Variants in PIK3CB observed in about 807,000 individuals in gnomAD.
PIK3CB encodes the protein phosphatidylinositol 4,5-bisphosphate 3-kinase catalytic subunit beta isoform.
A neutral mutation model predicts 136.8 loss-of-function variants in PIK3CB; 39 were observed. That is an observed-to-expected ratio of 0.29 (90% CI 0.22 to 0.37). PIK3CB has a LOEUF of 0.37. PIK3CB is among the 10% of genes least tolerant of loss of function. The pLI, the probability that PIK3CB is intolerant of heterozygous loss-of-function variation, is 1.00. For synonymous variants in PIK3CB, 428 were observed against 436.6 expected (o/e 0.98, Z 0.25); for missense variants, 868 against 1,275.4 (o/e 0.68, Z 4.87).
chr3:138,800,268 T>G (rs1406833412), intron 1 of PIK3CB, among the ~76,000 whole-genome samples: 1 of 152,184 alleles, frequency 6.6e-6, no homozygotes, highest in Non-Finnish European at 1.5e-5. Context: ...CAATTCTCAT[T>G]TATTAATATA....
intron 2 of PIK3CB, among the ~76,000 whole-genome samples, chr3:138,766,571 A>G (rs2045735307): frequency 6.6e-6 from 1 of 152,224 alleles, no homozygotes; most frequent in Non-Finnish European, 1.5e-5. Context: ...CCTCACTTAC[A>G]AAGAAAAATT....
intron 19 of PIK3CB, among the ~76,000 whole-genome samples, chr3:138,672,228 G>A (rs1187297196): frequency 2.0e-5 from 3 of 151,988 alleles, no homozygotes; most frequent in Admixed American, 1.3e-4. Flanking sequence ...AGATGATGTG[G>A]CATGAAAGTT....
intron 4 of PIK3CB, 134 bp from the exon 5 acceptor site, chr3:138,742,915 G>T: frequency 1.9e-6 from 1 of 525,400 alleles, no homozygotes. Flanking sequence ...GATGAAACTA[G>T]GGAGGAAAAT....
intron 17 of PIK3CB, among the ~76,000 whole-genome samples, chr3:138,684,398 A>T (rs1157867793): frequency 1.3e-5 from 2 of 152,270 alleles, no homozygotes; most frequent in Non-Finnish European, 2.9e-5. Flanking sequence ...CATATAATTG[A>T]AATATAAATT....
At chr3:138,832,454 G>A (rs1393414052) in intron 1 of PIK3CB, among the ~76,000 whole-genome samples, 1 of 152,068 alleles carries the variant, frequency 6.6e-6, no homozygotes, top group Non-Finnish European at 1.5e-5. Flanking sequence ...CATTTTGGGA[G>A]GCCCAGGCTG....
In PIK3CB at chr3:138,653,649, T is replaced by C. The variant is rs1352850894; in HGVS notation, c.*1740A>G. 5.4e-6 allele frequency: 1 copy of C among 184,038 alleles called. No homozygotes were observed. The highest frequency in any genetic ancestry group is 1.2e-5 in the Non-Finnish European group (1 of 86,660). The allele number at this position is 184,038 out of a possible 1,614,324, so 11.4% of individuals were successfully genotyped here. On this transcript the variant is annotated 3_prime_UTR_variant, in exon 24 of 24. Coordinates refer to ENST00000674063, the MANE Select transcript of PIK3CB (RefSeq NM_006219.3). ...AGTGAGTCTACACCAGCCCTGGAAA[T>C]GAGGAATTCAGGGGCCAACTCCCAT...
intron 5 of PIK3CB, among the ~76,000 whole-genome samples, chr3:138,741,826 TA>T (rs754247884): frequency 7.8e-3 from 1,007 of 129,324 alleles, no homozygotes; most frequent in Middle Eastern, 0.012. Context: ...AGACTCCGTC[TA>T]AAAAAAAAAA....
chr3:138,679,978 C>CA (rs1162367244), intron 19 of PIK3CB, among the ~76,000 whole-genome samples: 3 of 133,222 alleles, frequency 2.3e-5, no homozygotes, highest in Non-Finnish European at 4.9e-5. Flanking sequence ...AAGTAGGAAA[C>CA]AAAAAAATCA....
At chr3:138,801,019 T>A (rs1029537898) in intron 1 of PIK3CB, among the ~76,000 whole-genome samples, 8 of 152,186 alleles carry the variant, frequency 5.3e-5, no homozygotes, top group African/African-American at 1.9e-4. Flanking sequence ...AAACATTTTT[T>A]AAAAACCCCC....
intron 19 of PIK3CB, among the ~76,000 whole-genome samples, chr3:138,678,629 A>G (rs1177054239): frequency 2.0e-5 from 3 of 152,140 alleles, no homozygotes; most frequent in Non-Finnish European, 4.4e-5. Flanking sequence ...TGCTATTTAC[A>G]GGAGACAAAT....
At chr3:138,816,017 G>A (rs1196515609) in intron 1 of PIK3CB, among the ~76,000 whole-genome samples, 1 of 152,196 alleles carries the variant, frequency 6.6e-6, no homozygotes, top group Non-Finnish European at 1.5e-5. Flanking sequence ...AAACCACAAG[G>A]TGGGTTGGGT....
intron 2 of PIK3CB, among the ~76,000 whole-genome samples, chr3:138,779,878 T>C (rs1285713048): frequency 1.3e-5 from 2 of 152,108 alleles, no homozygotes; most frequent in African/African-American, 4.8e-5. Flanking sequence ...CAGATAACTT[T>C]AGTATATCAG....
intron 4 of PIK3CB, among the ~76,000 whole-genome samples, chr3:138,749,243 T>A (rs553700806): frequency 6.6e-6 from 1 of 152,292 alleles, no homozygotes; most frequent in South Asian, 2.1e-4. Context: ...AATCAAATGC[T>A]TTATTTCCCT....
In PIK3CB at chr3:138,707,165, G is replaced by A. The variant is rs61755418; in HGVS notation, c.1524C>T (p.Phe508=). 1.4e-4 allele frequency: 218 copies of A among 1,564,520 alleles called. No homozygotes were observed. Among genetic ancestry groups the A allele is most frequent in the Non-Finnish European group, 1.8e-4 (203 of 1,136,320 alleles). Reference sequence around the variant, plus strand: ...CTTTAAATAATTAGCTTACCTTATCGAAGGGAGGGTAATAATAAGGTTGTT... The same window carrying A: ...CTTTAAATAATTAGCTTACCTTATCAAAGGGAGGGTAATAATAAGGTTGTT... ...NKKQPYYYPP[F]DKIIEKAAEI... is the part of the protein sequence containing the mutation. The change falls in exon 11 of 24, where the codon TTC becomes TTT. Residue 508 remains phenylalanine, a synonymous_variant. Coordinates refer to ENST00000674063, the MANE Select transcript of PIK3CB (RefSeq NM_006219.3).
chr3:138,705,199 A>AAAAAAAAAAAAAAAAAAAAAAAAAAAG (rs1559828867), intron 11 of PIK3CB, among the ~76,000 whole-genome samples: 1 of 143,260 alleles, frequency 7.0e-6, no homozygotes, highest in Non-Finnish European at 1.5e-5. Context: ...ACAAAAAAAA[A>AAAAAAAAAAAAAAAAAAAAAAAAAAAG]AACTTATATT....
chr3:138,816,261 G>A (rs1933321553), intron 1 of PIK3CB, among the ~76,000 whole-genome samples: 1 of 152,000 alleles, frequency 6.6e-6, no homozygotes, highest in African/African-American at 2.4e-5. Flanking sequence ...CTGGGCAACA[G>A]AGTGAAACAC....
intron 2 of PIK3CB, among the ~76,000 whole-genome samples, chr3:138,762,492 G>A (rs7641781): frequency 0.03 from 4,612 of 152,158 alleles, 235 homozygotes; most frequent in African/African-American, 0.11. Flanking sequence ...CCATAAACAC[G>A]AACAAAACTA....
Position 138,714,680 on chromosome 3 carries a change from G to A in PIK3CB, c.1090C>T (p.Leu364=). The A allele has an allele frequency of 6.2e-7, 1 of 1,613,012 alleles. No individual in the cohort carries two copies. The highest frequency in any genetic ancestry group is 1.7e-5 in the Admixed American group (1 of 59,938). Residue 364 remains leucine, a synonymous_variant, in exon 9 of 24, where the codon CTG becomes TTG. Coordinates refer to ENST00000674063, the MANE Select transcript of PIK3CB (RefSeq NM_006219.3). The part of the protein sequence containing the change: ...RAGLFHGTEL[L]CKTIVSSEVS... ...TCTGAGCTTACGATGGTTTTACACA[G>A]GAGCTCAGTACCATGAAAAAGACCA...
chr3:138,781,069 C>T (rs563180650), intron 2 of PIK3CB, among the ~76,000 whole-genome samples: 2 of 152,210 alleles, frequency 1.3e-5, no homozygotes, highest in South Asian at 2.1e-4. Context: ...GCAGGAGAAT[C>T]GCTTCAGCCC....
Sources: gnomAD v4.1 joint callset for allele counts (sites outside exome capture counted in the v4.1 genomes callset) on GRCh38, gnomAD v4.1.1 for gene constraint, MANE v1.5 for transcripts, NCBI Gene and HGNC (gene_info 2026-07-23, HGNC 2026-07-21) for gene names.